The following MTHFD2 variants were observed in gnomAD, a reference collection of about 807,000 sequenced individuals.
The protein encoded by MTHFD2 is methylenetetrahydrofolate dehydrogenase (NADP+ dependent) 2, methenyltetrahydrofolate cyclohydrolase, also known as bifunctional methylenetetrahydrofolate dehydrogenase/cyclohydrolase, mitochondrial.
In MTHFD2, 26 loss-of-function variants were observed where a neutral mutation model predicts 36.8. The ratio of observed to expected loss-of-function variants is 0.71; its 90% CI spans 0.52 to 0.98. MTHFD2 has a LOEUF of 0.98. MTHFD2 is among the 50% of genes least tolerant of loss of function. MTHFD2 has a pLI of 0.00. For missense variants in MTHFD2, 373 were observed against 434.0 expected (o/e 0.86, Z 1.25); for synonymous variants, 164 against 155.2 (o/e 1.06, Z -0.42).
chr2:74,214,226 G>C lies in MTHFD2; in HGVS notation c.1037G>C (p.Gly346Ala), dbSNP rs766957313. 3.7e-6 allele frequency: 6 copies of C among 1,613,834 alleles called. No homozygotes were observed. In the South Asian group the frequency reaches 6.6e-5, roughly 18 times the overall value. ...GAAGTGCTGAAGTCTAAAGAGCTTG[G>C]GGTAGCCACTAATTAACTACTGTGT... The part of the protein sequence containing the change: ...EREVLKSKEL[G>A]VATN The change falls in exon 8 of 8, where the codon GGG becomes GCG. Residue 346 changes from glycine to alanine, a missense_variant. By Grantham distance (60) the Gly-to-Ala change is moderately conservative. This residue lies in a region of MTHFD2 where 308 missense variants were observed against 397.8 expected (regional missense o/e 0.77). Transcript: ENST00000394053.
At chr2:74,210,127 G>A in intron 5 of MTHFD2, 78 bp downstream of exon 5, 1 of 1,186,370 alleles carries the variant, frequency 8.4e-7, no homozygotes, top group Non-Finnish European at 1.2e-6. Context: ...GTGCATGTTT[G>A]GAAGTATTAA....
At chr2:74,205,546 G>A (rs1288859576) in intron 1 of MTHFD2, among the ~76,000 whole-genome samples, 159 bp from the exon 2 acceptor site, 4 of 151,950 alleles carry the variant, frequency 2.6e-5, no homozygotes, top group African/African-American at 9.7e-5. Context: ...GTTTTGCCAT[G>A]TTGCCCAGGC....
At position 74,214,095 on chromosome 2, in the gene MTHFD2, T is replaced by A. The variant is rs1694374979; in HGVS notation, c.906T>A (p.Ala302=). The A allele has an allele frequency of 1.9e-6, 3 of 1,613,658 alleles. No homozygotes were observed. Among genetic ancestry groups the A allele is most frequent in the Admixed American group, 1.7e-5 (1 of 59,944 alleles). Residue 302 remains alanine, a synonymous_variant, in exon 8 of 8, where the codon GCT becomes GCA. Transcript: ENST00000394053. Reference sequence around the variant, plus strand: ...TCTATGTAGGAGTCAGACAAAAAGCTGGGTATATCACTCCAGTTCCTGGAG... The same window carrying A: ...TCTATGTAGGAGTCAGACAAAAAGCAGGGTATATCACTCCAGTTCCTGGAG... ...DVDFEGVRQK[A]GYITPVPGGV... is the part of the protein sequence containing the mutation.
chr2:74,206,105 G>T, intron 2 of MTHFD2: 1 of 429,990 alleles, frequency 2.3e-6, no homozygotes, highest in Non-Finnish European at 4.2e-6. Flanking sequence ...ATTCTCTGTG[G>T]CTTCTGGAAA....
chr2:74,209,286 A>G lies in MTHFD2; in HGVS notation c.562+565A>G, dbSNP rs187253104. ...GAGACGGAGTCTTGCTCTGTTGCCC[A>G]GGCTGGAGTGCAGTGGCGTGATCTC... On this transcript the variant is annotated intron_variant, in intron 4 of 7. Coordinates refer to ENST00000394053, the MANE Select transcript of MTHFD2 (RefSeq NM_006636.4). Among the ~76,000 whole-genome samples, 1,510 of 151,558 alleles carry G rather than the reference A, an allele frequency of 1.0e-2. 27 individuals are homozygous for G. The highest frequency in any genetic ancestry group is 0.033 in the African/African-American group (1,366 of 41,270).
At chr2:74,199,831 T>C (rs544957121) in intron 1 of MTHFD2, among the ~76,000 whole-genome samples, 6 of 152,246 alleles carry the variant, frequency 3.9e-5, no homozygotes, top group Non-Finnish European at 8.8e-5. Flanking sequence ...TTTTTGGGTT[T>C]CCTTGGGAAG....
intron 4 of MTHFD2, 98 bp downstream of exon 4, chr2:74,208,819 C>T (rs1694241656): frequency 8.1e-7 from 1 of 1,241,376 alleles, no homozygotes; most frequent in African/African-American, 1.5e-5. Flanking sequence ...GGAAACCCTA[C>T]TGCATATCCT....
rs370643260 is a variant in MTHFD2 at position 74,207,734 on chromosome 2, C to T, written c.317C>T (p.Ala106Val). The stretch of plus-strand genomic sequence containing the variant: ...AACAGTGAGACAATTATGAAACCAG[C>T]TTCAATTTCAGAGGAAGAATTGTTG... ...GINSETIMKP[A>V]SISEEELLNL... The change falls in exon 3 of 8, where the codon GCT (alanine) becomes GTT (valine). Residue 106 changes from alanine to valine, a missense_variant. Around this residue, in one of 2 missense-constraint regions of MTHFD2, gnomAD observed 308 missense variants for 397.8 expected, o/e 0.77. Coordinates refer to ENST00000394053, the MANE Select transcript of MTHFD2 (RefSeq NM_006636.4). The T allele has an allele frequency of 6.2e-7, 1 of 1,607,226 alleles. No individual in the cohort carries two copies. Among genetic ancestry groups the T allele is most frequent in the Non-Finnish European group, 8.5e-7 (1 of 1,174,546 alleles).
chr2:74,198,743 G>C lies in MTHFD2; in HGVS notation c.101+1G>C. ...GCCCTTTCCACCTCGCGGCAGTTCG[G>C]TAAGAGGGTCACAGAGCTCGGTCAG... is the stretch of plus-strand genomic sequence containing the variant. On this transcript the variant is annotated splice_donor_variant, in intron 1 of 7. Transcript: ENST00000394053. LOFTEE classifies it high-confidence loss of function. The C allele has an allele frequency of 6.2e-7, 1 of 1,606,188 alleles. No individual in the cohort carries two copies. The highest frequency in any genetic ancestry group is 8.5e-7 in the Non-Finnish European group (1 of 1,177,024).
At chr2:74,213,981 TGTTAC>T in intron 7 of MTHFD2, 93 bp from the exon 8 acceptor site, 4 of 1,321,584 alleles carry the variant, frequency 3.0e-6, no homozygotes, top group Non-Finnish European at 4.1e-6. Flanking sequence ...TGCTTATGTA[TGTTAC>T]TTTTTCCTTG....
intron 1 of MTHFD2, among the ~76,000 whole-genome samples, chr2:74,199,112 G>C (rs963460885): frequency 2.0e-5 from 3 of 152,266 alleles, no homozygotes; most frequent in African/African-American, 7.2e-5. Flanking sequence ...TGGCTGGGAT[G>C]CTGAGAGTCG....
chr2:74,204,060 C>T (rs1026101941), intron 1 of MTHFD2, among the ~76,000 whole-genome samples: 5 of 151,854 alleles, frequency 3.3e-5, no homozygotes, highest in Non-Finnish European at 7.4e-5. Flanking sequence ...ATTATAGGCG[C>T]GCACCACCAT....
intron 4 of MTHFD2, 51 bp downstream of exon 4, chr2:74,208,772 C>T: frequency 6.3e-7 from 1 of 1,575,196 alleles, no homozygotes. Context: ...AAAAGTAGTA[C>T]TGGCAAATGG....
chr2:74,211,335 G>A, intron 6 of MTHFD2, 44 bp downstream of exon 6: 3 of 1,305,872 alleles, frequency 2.3e-6, no homozygotes, highest in Non-Finnish European at 3.3e-6. Flanking sequence ...CACCTCAGAA[G>A]AGGAGGTTGT....
At chr2:74,207,897 T>A in intron 3 of MTHFD2, 71 bp downstream of exon 3, 1 of 1,406,994 alleles carries the variant, frequency 7.1e-7, no homozygotes, top group Non-Finnish European at 9.8e-7. Flanking sequence ...CCTCTCTCTC[T>A]CCCTCCCCAT....
rs1558860393 is a variant in MTHFD2 at position 74,217,153 on chromosome 2, TAAA to T, written c.*2915_*2917del. 1 of 152,280 alleles carries T rather than the reference TAAA, an allele frequency of 6.6e-6. No individual in the cohort carries two copies. The highest frequency in any genetic ancestry group is 6.5e-5 in the Admixed American group (1 of 15,298). The allele number at this position is 152,280 out of a possible 1,614,324, so 9.4% of individuals were successfully genotyped here. A position where few individuals can be genotyped will look rare whatever the true frequency, so the allele number is the denominator to read the frequency against. ...TTAATGATCTAGTGTCATTTTTCTT[TAAA>T]AAAGAAAGCACCTGCATTTGTCATC... On this transcript the variant is annotated 3_prime_UTR_variant, in exon 8 of 8. Coordinates refer to ENST00000394053, the MANE Select transcript of MTHFD2 (RefSeq NM_006636.4).
At chr2:74,201,622 G>C (rs1694044474) in intron 1 of MTHFD2, among the ~76,000 whole-genome samples, 1 of 151,998 alleles carries the variant, frequency 6.6e-6, no homozygotes, top group South Asian at 2.1e-4. Flanking sequence ...TACAAGGCCT[G>C]TGCCACCATG....
At chr2:74,204,578 T>A (rs1694135104) in intron 1 of MTHFD2, among the ~76,000 whole-genome samples, 1 of 152,234 alleles carries the variant, frequency 6.6e-6, no homozygotes, top group African/African-American at 2.4e-5. Context: ...TCTGTTGAGC[T>A]AAGCTTTTGC....
At position 74,198,903 on chromosome 2, in the gene MTHFD2, G is replaced by C. The variant is rs184991460; in HGVS notation, c.101+161G>C. On this transcript the variant is annotated intron_variant, in intron 1 of 7. Coordinates refer to ENST00000394053, the MANE Select transcript of MTHFD2 (RefSeq NM_006636.4). ...GTGTGGCGGGGCGACGTGGCACCGA[G>C]CGCCGCCGCAGCTCTCGACTGGGGC... 2.2e-3 allele frequency among the ~76,000 whole-genome samples: 339 copies of C among 152,276 alleles called. 1 individual carries two copies. The highest frequency in any genetic ancestry group is 0.014 in the Middle Eastern group (4 of 294).
Sources: allele counts gnomAD v4.1 joint callset (sites outside exome capture counted in the v4.1 genomes callset), GRCh38; gene constraint gnomAD v4.1.1; regional missense constraint gnomAD v4.1.1; transcripts MANE v1.5; gene names NCBI Gene and HGNC (gene_info 2026-07-23, HGNC 2026-07-21).